The following TAOK1 variants were observed in gnomAD, a reference collection of about 807,000 sequenced individuals.
TAOK1 encodes TAO kinase 1.
In TAOK1, 21 loss-of-function variants were observed where a neutral mutation model predicts 138.3. The ratio of observed to expected loss-of-function variants is 0.15; its 90% CI spans 0.11 to 0.22. TAOK1 has a LOEUF of 0.22. TAOK1 is among the 10% of genes least tolerant of loss of function. The pLI is 1.00. For synonymous variants in TAOK1, 361 were observed against 398.4 expected (o/e 0.91, Z 1.12); for missense variants, 651 against 1,227.7 (o/e 0.53, Z 7.02).
chr17:29,542,507 T>G, intron 19 of TAOK1, 54 bp from the exon 20 acceptor site: 1 of 1,467,820 alleles, frequency 6.8e-7, no homozygotes, highest in Non-Finnish European at 9.2e-7. Flanking sequence ...CTTCCTTTCT[T>G]TATAGACTTA....
intron 17 of TAOK1, 131 bp downstream of exon 17, chr17:29,522,650 G>A: frequency 7.3e-7 from 1 of 1,366,522 alleles, no homozygotes; most frequent in South Asian, 1.4e-5. Flanking sequence ...TAGCATCTTT[G>A]GTTGACTTTA....
At chr17:29,489,894 C>T in intron 9 of TAOK1, 137 bp downstream of exon 9, 1 of 486,322 alleles carries the variant, frequency 2.1e-6, no homozygotes, top group Non-Finnish European at 3.4e-6. Flanking sequence ...GTATTTTACC[C>T]TTTTAAATAT....
chr17:29,469,148 G>C (rs941666255), intron 3 of TAOK1, among the ~76,000 whole-genome samples: 4 of 151,986 alleles, frequency 2.6e-5, no homozygotes, highest in African/African-American at 9.7e-5. Flanking sequence ...TTGGGAGGCC[G>C]AGGTGGGTGG....
intron 17 of TAOK1, among the ~76,000 whole-genome samples, chr17:29,524,500 G>A (rs1358672469): frequency 6.6e-6 from 1 of 152,218 alleles, no homozygotes; most frequent in Non-Finnish European, 1.5e-5. Context: ...CGTTAAAAGT[G>A]AGGAGAAAAT....
At position 29,406,062 on chromosome 17, in the gene TAOK1, T is replaced by G. The variant is rs1397992186; in HGVS notation, c.-95+15038T>G. On this transcript the variant is annotated intron_variant, in intron 1 of 19. Coordinates refer to ENST00000261716, the MANE Select transcript of TAOK1 (RefSeq NM_020791.4). ...GCTTGCAAGTAAATACATACAATAG[T>G]GTAGTGCAGGGTTTCCCAACCGTGG... Among the ~76,000 whole-genome samples the G allele has an allele frequency of 2.6e-5, 4 of 152,200 alleles. No individual in the cohort carries two copies. In the East Asian group the frequency reaches 5.8e-4, roughly 22 times the overall value.
At chr17:29,486,973 T>G (rs1472461894) in intron 8 of TAOK1, among the ~76,000 whole-genome samples, 2 of 151,710 alleles carry the variant, frequency 1.3e-5, no homozygotes, top group Non-Finnish European at 2.9e-5. Flanking sequence ...TAAGGGCCAG[T>G]TGCTGTGGCT....
chr17:29,413,742 A>T (rs2153021170), intron 1 of TAOK1, among the ~76,000 whole-genome samples: 1 of 152,256 alleles, frequency 6.6e-6, no homozygotes, highest in East Asian at 1.9e-4. Flanking sequence ...CATTTATTAT[A>T]GCAGTTGCTC....
chr17:29,405,302 T>C, intron 1 of TAOK1, among the ~76,000 whole-genome samples: 1 of 152,198 alleles, frequency 6.6e-6, no homozygotes, highest in Admixed American at 6.5e-5. Context: ...CAGTGTCCTT[T>C]TAAAAATGCT....
At chr17:29,512,109 G>A (rs1181861421) in intron 15 of TAOK1, 1 of 142,000 alleles carries the variant, frequency 7.0e-6, no homozygotes, top group Admixed American at 7.8e-5. Context: ...CTGGAGTGCA[G>A]TGGTGTGATC....
rs1382033713 is a variant in TAOK1, at chr17:29,422,204, T to C, written c.-94-29251T>C. On this transcript the variant is annotated intron_variant, in intron 1 of 19. Coordinates refer to ENST00000261716, the MANE Select transcript of TAOK1 (RefSeq NM_020791.4). Reference sequence around the variant, plus strand: ...GAGCCACCACGCCCGGCCTATCCTTTTTTTTAATTTATTTTTTGAGATGGA... The same window carrying C: ...GAGCCACCACGCCCGGCCTATCCTTCTTTTTAATTTATTTTTTGAGATGGA... 2.0e-5 allele frequency among the ~76,000 whole-genome samples: 3 copies of C among 148,000 alleles called. No homozygotes were observed. In the Admixed American group the frequency reaches 2.0e-4, roughly 10 times the overall value.
At chr17:29,512,709 G>A (rs2031744801) in intron 15 of TAOK1, 1 of 143,906 alleles carries the variant, frequency 6.9e-6, no homozygotes. Context: ...TGGAGACAGA[G>A]TCTTGCTCTG....
At chr17:29,435,498 C>G (rs556760779) in intron 1 of TAOK1, among the ~76,000 whole-genome samples, 1 of 152,274 alleles carries the variant, frequency 6.6e-6, no homozygotes, top group African/African-American at 2.4e-5. Context: ...CAAGGAATCT[C>G]AGATAAGACC....
chr17:29,533,233 T>G, intron 18 of TAOK1, among the ~76,000 whole-genome samples: 1 of 134,084 alleles, frequency 7.5e-6, no homozygotes, highest in Non-Finnish European at 1.6e-5. Flanking sequence ...TCCCCACATC[T>G]CAGACGATGG....
intron 2 of TAOK1, 125 bp from the exon 3 acceptor site, chr17:29,467,020 T>A (rs1051755838): frequency 3.5e-5 from 19 of 536,546 alleles, no homozygotes; most frequent in Non-Finnish European, 5.2e-5. Context: ...AAATTTTCTT[T>A]AAAAGTGGTT....
At chr17:29,525,610 G>T in intron 17 of TAOK1, among the ~76,000 whole-genome samples, 1 of 152,120 alleles carries the variant, frequency 6.6e-6, no homozygotes, top group Non-Finnish European at 1.5e-5. Flanking sequence ...GGCCCTGCTG[G>T]TCTTGAACTC....
At chr17:29,482,573 C>A (rs1181786378) in intron 8 of TAOK1, among the ~76,000 whole-genome samples, 1 of 151,876 alleles carries the variant, frequency 6.6e-6, no homozygotes, top group Admixed American at 6.6e-5. Flanking sequence ...TTGTTAAACA[C>A]CTAGAATATG....
chr17:29,498,997 T>C lies in TAOK1; in HGVS notation c.1203+476T>C, dbSNP rs114199698. On this transcript the variant is annotated intron_variant, in intron 12 of 19. Coordinates refer to ENST00000261716, the MANE Select transcript of TAOK1 (RefSeq NM_020791.4). ...TAACTCCTAACCTGTTATCTCCATTTGGAAAATTCATGTTTTGAGAATACA... is the reference window on the plus strand; with the variant it reads ...TAACTCCTAACCTGTTATCTCCATTCGGAAAATTCATGTTTTGAGAATACA... 5.0e-3 allele frequency among the ~76,000 whole-genome samples: 755 copies of C among 152,198 alleles called. 12 individuals carry two copies. The highest frequency in any genetic ancestry group is 0.018 in the African/African-American group (729 of 41,534).
At chr17:29,532,922 C>T (rs1442881707) in intron 18 of TAOK1, among the ~76,000 whole-genome samples, 11 of 146,178 alleles carry the variant, frequency 7.5e-5, no homozygotes, top group South Asian at 6.7e-4. Flanking sequence ...GACGGGGCGG[C>T]TGGCCGGGTG....
intron 16 of TAOK1, among the ~76,000 whole-genome samples, chr17:29,521,147 G>C (rs1316136314): frequency 6.6e-6 from 1 of 152,174 alleles, no homozygotes; most frequent in Non-Finnish European, 1.5e-5. Context: ...AAAACTGTAT[G>C]TTTTTGTAAA....
Sources: allele counts gnomAD v4.1 joint callset (sites outside exome capture counted in the v4.1 genomes callset), GRCh38; gene constraint gnomAD v4.1.1; transcripts MANE v1.5; gene names NCBI Gene and HGNC (gene_info 2026-07-23, HGNC 2026-07-21).